Variants in NSMAF observed in about 807,000 individuals in gnomAD.
The protein encoded by NSMAF is protein FAN.
NSMAF carries 90 observed loss-of-function variants against 134.9 expected under a neutral mutation model. That is an observed-to-expected ratio of 0.67 (90% confidence interval 0.56 to 0.79). The LOEUF (loss-of-function observed/expected upper bound fraction) is 0.79. NSMAF is among the 30% of genes least tolerant of loss of function. The probability of loss-of-function intolerance (pLI) is 0.00; values close to 1 mark genes in which losing one functional copy is unlikely to be tolerated. For synonymous variants in NSMAF, 358 were observed against 389.6 expected (o/e 0.92, Z 0.96); for missense variants, 1,010 against 1,119.0 (o/e 0.90, Z 1.39).
chr8:58,590,809 G>A lies in NSMAF; in HGVS notation c.2019+58C>T, dbSNP rs1230439017. The A allele has an allele frequency of 2.7e-6, 4 of 1,466,486 alleles. No homozygotes were observed. The Admixed American group carries it at 7.5e-5, about 27-fold the overall frequency. 90.8% of individuals were successfully genotyped at this position (1,466,486 alleles called of 1,614,324 possible). A position where few individuals can be genotyped will look rare whatever the true frequency, so the allele number is the denominator to read the frequency against. ...AGAAATAAAGTATTATTGTATGGGT[G>A]TGTATAAAACAAACTACTACACGGA... On this transcript the variant is annotated intron_variant, in intron 24 of 30. Coordinates refer to ENST00000038176, the MANE Select transcript of NSMAF (RefSeq NM_003580.4).
chr8:58,585,798 A>G (rs1805870290), intron 29 of NSMAF, 37 bp from the exon 30 acceptor site: 5 of 1,600,098 alleles, frequency 3.1e-6, no homozygotes, highest in Non-Finnish European at 4.3e-6. Flanking sequence ...TTTCTTCATC[A>G]TGAAGGAAGG....
intron 2 of NSMAF, among the ~76,000 whole-genome samples, chr8:58,638,391 C>T (rs1036905480): frequency 2.0e-4 from 31 of 152,150 alleles, no homozygotes; most frequent in African/African-American, 7.5e-4. Flanking sequence ...CATCAAACTA[C>T]CTGGTTTCAA....
chr8:58,603,344 T>A lies in NSMAF; in HGVS notation c.911A>T (p.Gln304Leu). The change falls in exon 13 of 31, where the codon CAG becomes CTG. Residue 304 changes from glutamine to leucine, a missense_variant. Physicochemically the swap from Gln to Leu is moderately radical, Grantham distance 113. Transcript: ENST00000038176. ...AEHTAESYML[Q>L]WQRGHLSNYQ... Reference sequence around the variant, plus strand: ...GTTGGAAAGGTGTCCACGCTGCCACTGCAGCATGTAGCTCTCAGCAGTGTG... The same window carrying A: ...GTTGGAAAGGTGTCCACGCTGCCACAGCAGCATGTAGCTCTCAGCAGTGTG... 6.2e-7 allele frequency: 1 copy of A among 1,614,140 alleles called. No homozygotes were observed.
In NSMAF at chr8:58,607,821, G is replaced by A. The variant is rs754269724; in HGVS notation, c.707C>T (p.Thr236Ile). Residue 236 changes from threonine to isoleucine, a missense_variant, in exon 11 of 31, where the codon ACA (threonine) becomes ATA (isoleucine). Coordinates refer to ENST00000038176, the MANE Select transcript of NSMAF (RefSeq NM_003580.4). ...NGYPKPVVQI[T>I]LQDVRRIYKR... Reference sequence around the variant, plus strand: ...GTAGATGCGGCGGACATCTTGGAGTGTTATCTGGACCACAGGTTTCTTTAA... The same window carrying A: ...GTAGATGCGGCGGACATCTTGGAGTATTATCTGGACCACAGGTTTCTTTAA... The A allele has an allele frequency of 6.2e-6, 10 of 1,614,028 alleles. 1 individual carries two copies. The South Asian group carries it at 6.6e-5, about 11-fold the overall frequency.
intron 6 of NSMAF, among the ~76,000 whole-genome samples, chr8:58,630,317 C>G (rs1807028519): frequency 6.9e-6 from 1 of 145,220 alleles, no homozygotes; most frequent in Non-Finnish European, 1.5e-5. Flanking sequence ...CCACCTCACC[C>G]TTTTTTTTTT....
At chr8:58,654,148 C>A (rs1807648555) in intron 1 of NSMAF, among the ~76,000 whole-genome samples, 1 of 152,190 alleles carries the variant, frequency 6.6e-6, no homozygotes, top group Non-Finnish European at 1.5e-5. Flanking sequence ...AGTTTCAACA[C>A]CTGGTATATC....
chr8:58,627,592 A>G lies in NSMAF; in HGVS notation c.385-3812T>C, dbSNP rs561388663. ...GGCCAAGCTAAGAATCAAATCAACA[A>G]TTCCATTCCTTTTATAACAGCTGCA... On this transcript the variant is annotated intron_variant, in intron 6 of 30. Coordinates refer to ENST00000038176, the MANE Select transcript of NSMAF (RefSeq NM_003580.4). Among the ~76,000 whole-genome samples the G allele has an allele frequency of 2.6e-5, 4 of 152,336 alleles. No individual in the cohort carries two copies. In the East Asian group the frequency reaches 7.7e-4, roughly 29 times the overall value.
At chr8:58,645,046 G>C (rs771789012) in intron 1 of NSMAF, among the ~76,000 whole-genome samples, 1 of 151,398 alleles carries the variant, frequency 6.6e-6, no homozygotes, top group African/African-American at 2.4e-5. Context: ...AAACCACCAT[G>C]GCACGTGTAT....
intron 21 of NSMAF, among the ~76,000 whole-genome samples, chr8:58,596,438 CTT>C (rs1237820994): frequency 3.9e-5 from 6 of 152,242 alleles, no homozygotes; most frequent in African/African-American, 1.4e-4. Flanking sequence ...TTGAAGTTGT[CTT>C]AGGTAAAATC....
Position 58,587,646 on chromosome 8 carries a change from A to T in NSMAF, c.2267T>A (p.Leu756Ter), listed in dbSNP as rs1041870681. Residue 756 changes from leucine (L) to a stop codon, truncating the protein, a stop_gained, in exon 27 of 31, where the codon TTG becomes TAG. Transcript: ENST00000038176. LOFTEE classifies it high-confidence loss of function. Reference protein sequence around the residue: ...MPGTKRHHFDLLAELEHDVSV... With the variant: ...MPGTKRHHFD Reference sequence around the variant, plus strand: ...GACATCATGTTCCAGCTCGGCCAGCAAGTCAAAGTGGTGTCTTTTGGTGCC... The same window carrying T: ...GACATCATGTTCCAGCTCGGCCAGCTAGTCAAAGTGGTGTCTTTTGGTGCC... The T allele has an allele frequency of 1.0e-4, 168 of 1,614,084 alleles. No individual in the cohort carries two copies. The highest frequency in any genetic ancestry group is 1.4e-4 in the Non-Finnish European group (163 of 1,180,030).
chr8:58,631,273 GT>G (rs1045617006), intron 6 of NSMAF: 943 of 319,660 alleles, frequency 3.0e-3, no homozygotes, highest in East Asian at 4.1e-3. Context: ...TCATTTGGGT[GT>G]TTTTTTTTTA....
chr8:58,597,297 A>C, intron 21 of NSMAF, 90 bp downstream of exon 21: 1 of 1,141,526 alleles, frequency 8.8e-7, no homozygotes, highest in Middle Eastern at 2.4e-4. Flanking sequence ...AAGTAGCACA[A>C]CAGTATACGT....
At position 58,599,984 on chromosome 8, in the gene NSMAF, T is replaced by C. The variant is rs1340665425; in HGVS notation, c.1318A>G (p.Thr440Ala). 1 of 1,613,966 alleles carries C rather than the reference T, an allele frequency of 6.2e-7. No homozygotes were observed. The highest frequency in any genetic ancestry group is 8.5e-7 in the Non-Finnish European group (1 of 1,179,982). The change falls in exon 17 of 31, where the codon ACG (threonine) becomes GCG (alanine). Residue 440 changes from threonine (T) to alanine (A), a missense_variant. Transcript: ENST00000038176. ...ETWKNCLDGA[T>A]DFKELIPEFY... ...TAACTGCTTACCTCTTTAAAATCCG[T>C]TGCACCATCCAGACAGTTTTTCCAA...
intron 6 of NSMAF, among the ~76,000 whole-genome samples, chr8:58,630,173 G>A (rs113847133): frequency 0.033 from 4,952 of 152,210 alleles, 100 homozygotes; most frequent in Non-Finnish European, 0.045. Context: ...CATGCTCACC[G>A]GGGGTGCAGG....
intron 6 of NSMAF, among the ~76,000 whole-genome samples, chr8:58,631,055 T>C (rs1807047215): frequency 6.6e-6 from 1 of 152,198 alleles, no homozygotes; most frequent in Non-Finnish European, 1.5e-5. Flanking sequence ...AGACATTGTA[T>C]CCAAGTCTAC....
chr8:58,594,586 T>G, intron 22 of NSMAF: 1 of 380,732 alleles, frequency 2.6e-6, no homozygotes, highest in Non-Finnish European at 4.8e-6. Context: ...TCTCCTTCTA[T>G]TCCCCCTCGT....
Position 58,622,636 on chromosome 8 carries a change from G to T in NSMAF, c.557+584C>A, listed in dbSNP as rs186100038. On this transcript the variant is annotated intron_variant, in intron 9 of 30. Transcript: ENST00000038176. ...TCTTGAACTCCTGACCTCGTGATCTGCCCACCTCAGCCTCCCGAAGTGCTG... is the reference window on the plus strand; with the variant it reads ...TCTTGAACTCCTGACCTCGTGATCTTCCCACCTCAGCCTCCCGAAGTGCTG... Among the ~76,000 whole-genome samples, 60 of 152,030 alleles carry T rather than the reference G, an allele frequency of 3.9e-4. 3 individuals are homozygous for T. The East Asian group carries it at 0.011, about 29-fold the overall frequency.
chr8:58,637,369 G>A (rs1585757636), intron 2 of NSMAF: 2 of 456,216 alleles, frequency 4.4e-6, no homozygotes, highest in Non-Finnish European at 8.8e-6. Context: ...GGTGCTGATT[G>A]CAACTGAGTT....
At chr8:58,641,324 A>C (rs1018670405) in intron 2 of NSMAF, among the ~76,000 whole-genome samples, 1 of 152,226 alleles carries the variant, frequency 6.6e-6, no homozygotes, top group African/African-American at 2.4e-5. Context: ...TAAAATGTTT[A>C]TATGGTTCCA....
Sources: gnomAD v4.1 joint callset for allele counts (sites outside exome capture counted in the v4.1 genomes callset) on GRCh38, gnomAD v4.1.1 for gene constraint, MANE v1.5 for transcripts, NCBI Gene and HGNC (gene_info 2026-07-23, HGNC 2026-07-21) for gene names.